GALNT13: variants seen among roughly 807,000 people sequenced by gnomAD.
GALNT13 encodes polypeptide N-acetylgalactosaminyltransferase 13.
In GALNT13, 28 loss-of-function variants were observed where a neutral mutation model predicts 64.2. The ratio of observed to expected loss-of-function variants is 0.44; its 90% confidence interval spans 0.32 to 0.60. The LOEUF (loss-of-function observed/expected upper bound fraction) is 0.60, where lower values mean the gene tolerates loss of function less well. Among genes scored for constraint, GALNT13 ranks in the 20% least tolerant of loss-of-function variants. GALNT13 has a pLI of 0.05. For synonymous variants in GALNT13, 214 were observed against 224.6 expected (o/e 0.95, Z 0.42); for missense variants, 577 against 669.8 (o/e 0.86, Z 1.53).
chr2:153,169,488 G>A, the GALNT13 span, among the ~76,000 whole-genome samples: 2 of 152,202 alleles, frequency 1.3e-5, no homozygotes, highest in Admixed American at 1.3e-4. Flanking sequence ...ACAGGAATTA[G>A]GAGTTAGATA....
chr2:153,224,917 G>A, the GALNT13 span, among the ~76,000 whole-genome samples: 4 of 152,214 alleles, frequency 2.6e-5, no homozygotes, highest in Non-Finnish European at 5.9e-5. Flanking sequence ...AGTAACATCA[G>A]TGATCCATAT....
chr2:153,982,595 T>C (rs971104982), intron 3 of GALNT13, among the ~76,000 whole-genome samples: 2 of 152,040 alleles, frequency 1.3e-5, no homozygotes, highest in African/African-American at 4.8e-5. Context: ...CTCACCATTT[T>C]ATAGGTGAGA....
chr2:153,841,535 G>C, the GALNT13 span, among the ~76,000 whole-genome samples: 1 of 152,072 alleles, frequency 6.6e-6, no homozygotes, highest in African/African-American at 2.4e-5. Flanking sequence ...TAACAGAAAA[G>C]AAAATTGAGG....
At chr2:153,572,332 T>C in the GALNT13 span, among the ~76,000 whole-genome samples, 5 of 151,562 alleles carry the variant, frequency 3.3e-5, no homozygotes, top group African/African-American at 4.8e-5. Flanking sequence ...TATTTATTTG[T>C]ATTTTTTCTC....
chr2:153,293,757 CTGTT>C, the GALNT13 span, among the ~76,000 whole-genome samples: 1 of 116,776 alleles, frequency 8.6e-6, no homozygotes, highest in Non-Finnish European at 1.8e-5. Context: ...TACTTTTTTT[CTGTT>C]TGTGTGTGTG....
chr2:153,619,056 C>A, the GALNT13 span, among the ~76,000 whole-genome samples: 2 of 151,764 alleles, frequency 1.3e-5, no homozygotes, highest in Non-Finnish European at 2.9e-5. Flanking sequence ...TTAATCTTAC[C>A]ATTTTGTTAT....
intron 3 of GALNT13, among the ~76,000 whole-genome samples, chr2:154,008,457 G>C (rs1426484335): frequency 6.6e-6 from 1 of 151,678 alleles, no homozygotes; most frequent in Non-Finnish European, 1.5e-5. Flanking sequence ...TAGGTTTAGG[G>C]GTATATGTAC....
rs79691201 is a variant in GALNT13 at position 153,949,085 on chromosome 2, A to G, written c.142+4446A>G. Among the ~76,000 whole-genome samples the G allele has an allele frequency of 3.3e-3, 504 of 152,182 alleles. 4 individuals carry two copies. The highest frequency in any genetic ancestry group is 0.012 in the African/African-American group (488 of 41,526). ...AAATACAATTGTGTTATAATTTCCT[A>G]TAGTATTGAGCATAGTAACATGTTA... On this transcript the variant is annotated intron_variant, in intron 3 of 12. Coordinates refer to ENST00000392825, the MANE Select transcript of GALNT13 (RefSeq NM_052917.4).
chr2:153,814,453 G>A, the GALNT13 span, among the ~76,000 whole-genome samples: 7,021 of 77,392 alleles, frequency 0.091, 257 homozygotes, highest in African/African-American at 0.15. Flanking sequence ...AAATAAATAA[G>A]TAAGTAAGTA....
At chr2:153,261,073 G>T in the GALNT13 span, among the ~76,000 whole-genome samples, 2 of 152,056 alleles carry the variant, frequency 1.3e-5, no homozygotes, top group Admixed American at 1.3e-4. Context: ...ATTTCTTTGT[G>T]AAATTTATCT....
At chr2:153,593,685 A>G in the GALNT13 span, among the ~76,000 whole-genome samples, 3 of 152,162 alleles carry the variant, frequency 2.0e-5, no homozygotes, top group Admixed American at 6.5e-5. Context: ...GACTAGAGGA[A>G]TCACATCTCT....
At chr2:153,114,296 G>A in the GALNT13 span, among the ~76,000 whole-genome samples, 1 of 152,042 alleles carries the variant, frequency 6.6e-6, no homozygotes, top group Non-Finnish European at 1.5e-5. Context: ...TCTCCCTGAG[G>A]CTGCTCTCTT....
chr2:153,681,378 A>C, the GALNT13 span, among the ~76,000 whole-genome samples: 1 of 151,876 alleles, frequency 6.6e-6, no homozygotes, highest in Non-Finnish European at 1.5e-5. Context: ...ACTTCTCTGA[A>C]GTTTTCTTGT....
chr2:154,337,223 T>C (rs1302982397), intron 9 of GALNT13, among the ~76,000 whole-genome samples: 1 of 152,068 alleles, frequency 6.6e-6, no homozygotes, highest in Non-Finnish European at 1.5e-5. Flanking sequence ...TGAAGAGACA[T>C]TGTAATACCA....
At chr2:154,188,658 C>T (rs1686397225) in intron 4 of GALNT13, among the ~76,000 whole-genome samples, 1 of 152,050 alleles carries the variant, frequency 6.6e-6, no homozygotes, top group Admixed American at 6.6e-5. Flanking sequence ...AATTAGATTG[C>T]TGAATATTTC....
At chr2:153,437,489 G>C in the GALNT13 span, among the ~76,000 whole-genome samples, 1 of 152,122 alleles carries the variant, frequency 6.6e-6, no homozygotes, top group Non-Finnish European at 1.5e-5. Context: ...CTCAGGACTT[G>C]CTTTATGAAT....
chr2:153,774,273 G>T, the GALNT13 span, among the ~76,000 whole-genome samples: 2 of 151,766 alleles, frequency 1.3e-5, no homozygotes, highest in African/African-American at 2.4e-5. Context: ...AGTAAATATT[G>T]CTAGATATTT....
the GALNT13 span, among the ~76,000 whole-genome samples, chr2:153,174,873 T>A: frequency 6.6e-6 from 1 of 151,880 alleles, no homozygotes; most frequent in Non-Finnish European, 1.5e-5. Flanking sequence ...ACCTCAAAAT[T>A]CTTCCAGCCT....
chr2:153,981,283 T>C (rs1237284417), intron 3 of GALNT13, among the ~76,000 whole-genome samples: 9 of 152,128 alleles, frequency 5.9e-5, no homozygotes, highest in Admixed American at 2.6e-4. Context: ...TTGTTACATA[T>C]GTATACATGT....
Sources: gnomAD v4.1 joint callset for allele counts (sites outside exome capture counted in the v4.1 genomes callset) on GRCh38, gnomAD v4.1.1 for gene constraint, MANE v1.5 for transcripts, NCBI Gene and HGNC (gene_info 2026-07-23, HGNC 2026-07-21) for gene names.